LAMA5: variants seen among roughly 807,000 people sequenced by gnomAD.
LAMA5 encodes laminin subunit alpha 5, also known as laminin subunit alpha-5.
Under a neutral mutation model 433.4 loss-of-function variants are expected in LAMA5, and 260 were observed. That is an observed-to-expected ratio of 0.60 (90% CI 0.54 to 0.66). LAMA5 has a LOEUF of 0.66. Ranked by LOEUF, LAMA5 falls within the 30% of genes least tolerant of loss-of-function variation. The pLI is 0.00. For missense variants in LAMA5, 5,378 were observed against 5,258.5 expected (o/e 1.02, Z -0.70); for synonymous variants, 2,620 against 2,226.6 (o/e 1.18, Z -4.97).
intron 62 of LAMA5, among the ~76,000 whole-genome samples, 190 bp downstream of exon 62, chr20:62,314,114 G>C: frequency 7.4e-6 from 1 of 135,902 alleles, no homozygotes; most frequent in East Asian, 2.2e-4. Context: ...CGGGTGGCGA[G>C]TGGGCACAGA....
Position 62,331,028 on chromosome 20 carries a change from T to C in LAMA5, c.3650+4A>G. 1 of 1,594,890 alleles carries C rather than the reference T, an allele frequency of 6.3e-7. No homozygotes were observed. The highest frequency in any genetic ancestry group is 8.5e-7 in the Non-Finnish European group (1 of 1,172,134). On this transcript the variant is annotated splice_donor_region_variant and intron_variant, in intron 29 of 79. Transcript: ENST00000252999. ...CCCCTCCCAGCCCCATTACCTGCCA[T>C]TACCTGTTGGGGCCAAAGGCGCCGT...
chr20:62,334,392 C>A, intron 21 of LAMA5, 50 bp from the exon 22 acceptor site: 1 of 1,540,024 alleles, frequency 6.5e-7, no homozygotes, highest in Non-Finnish European at 8.8e-7. Flanking sequence ...CCTACCTAGC[C>A]CTGCACAGCG....
rs1346304258 is a variant in LAMA5, at chr20:62,324,435, A to T, written c.5643+6T>A. The T allele has an allele frequency of 1.9e-6, 3 of 1,604,758 alleles. No individual in the cohort carries two copies. Among genetic ancestry groups the T allele is most frequent in the Non-Finnish European group, 2.6e-6 (3 of 1,174,062 alleles). ...TGCCCCCCTGGCCCCACCAGCCCCT[A>T]CTCACCACACAGACGCCAGAGCCAG... On this transcript the variant is annotated splice_donor_region_variant and intron_variant, in intron 42 of 79. Coordinates refer to ENST00000252999, the MANE Select transcript of LAMA5 (RefSeq NM_005560.6). The surrounding 1 kb of genome is among the most constrained non-coding windows in gnomAD (Gnocchi z 4.4).
intron 6 of LAMA5, among the ~76,000 whole-genome samples, chr20:62,350,167 A>G (rs1351825805): frequency 6.6e-6 from 1 of 151,908 alleles, no homozygotes. Context: ...GGCCAAGGCA[A>G]GCCCCGGCTC....
intron 45 of LAMA5, 136 bp downstream of exon 45, chr20:62,323,320 C>G: frequency 1.3e-6 from 1 of 753,432 alleles, no homozygotes. Flanking sequence ...ACCATGAACC[C>G]AGAAGGCTGG....
At chr20:62,343,546 C>T (rs1265636139) in intron 11 of LAMA5, among the ~76,000 whole-genome samples, 3 of 152,112 alleles carry the variant, frequency 2.0e-5, no homozygotes, top group East Asian at 1.9e-4. Context: ...GAGGCTGAGG[C>T]GGGCAGATCC....
intron 20 of LAMA5, 103 bp from the exon 21 acceptor site, chr20:62,334,724 T>C (rs991338350): frequency 2.5e-6 from 2 of 784,678 alleles, no homozygotes; most frequent in Non-Finnish European, 3.6e-6. Flanking sequence ...CTCTGGATGA[T>C]GGAGAGTCAG....
At chr20:62,366,097 T>A (rs1031701210) in intron 1 of LAMA5, among the ~76,000 whole-genome samples, 1 of 152,196 alleles carries the variant, frequency 6.6e-6, no homozygotes, top group Non-Finnish European at 1.5e-5. Flanking sequence ...AGACTCTCCC[T>A]AAGGTGGGGC....
chr20:62,337,757 G>A, intron 15 of LAMA5, 30 bp from the exon 16 acceptor site: 1 of 1,608,272 alleles, frequency 6.2e-7, no homozygotes, highest in Non-Finnish European at 8.5e-7. Flanking sequence ...TGGGCACGCA[G>A]TGGAGACTGC....
intron 51 of LAMA5, 49 bp from the exon 52 acceptor site, chr20:62,319,062 C>A: frequency 6.9e-7 from 1 of 1,456,836 alleles, no homozygotes; most frequent in South Asian, 1.4e-5. Context: ...TACTAGTGCA[C>A]CTCTGCCTGC....
chr20:62,332,536 G>A (rs774817447), intron 27 of LAMA5, 21 bp downstream of exon 27: 1 of 1,602,284 alleles, frequency 6.2e-7, no homozygotes, highest in East Asian at 2.2e-5. Context: ...CCTTACTCCA[G>A]CCCCACCGGC....
chr20:62,345,735 T>C, intron 11 of LAMA5, 83 bp downstream of exon 11: 1 of 965,586 alleles, frequency 1.0e-6, no homozygotes, highest in South Asian at 1.5e-5. Context: ...ATGAAAATCC[T>C]CCCTTTCTCC....
At chr20:62,319,453 C>G (rs1275008764) in intron 51 of LAMA5, among the ~76,000 whole-genome samples, 2 of 152,152 alleles carry the variant, frequency 1.3e-5, no homozygotes, top group Non-Finnish European at 2.9e-5. Flanking sequence ...CGGCACATTT[C>G]CTGGGGAGGC....
At position 62,326,983 on chromosome 20, in the gene LAMA5, CAG is replaced by C. The variant is rs1267923482; in HGVS notation, c.5113-19_5113-18del. 10 of 1,558,282 alleles carry C rather than the reference CAG, an allele frequency of 6.4e-6. No homozygotes were observed. Among genetic ancestry groups the C allele is most frequent in the African/African-American group, 1.4e-5 (1 of 73,994 alleles). ...GGATGACACCTGGAGGCAGGACAGA[CAG>C]AGGTGACCTGGCCAGACTCTGGCCA... On this transcript the variant is annotated intron_variant, in intron 38 of 79. Coordinates refer to ENST00000252999, the MANE Select transcript of LAMA5 (RefSeq NM_005560.6).
intron 6 of LAMA5, 112 bp from the exon 7 acceptor site, chr20:62,347,140 G>T (rs1440154902): frequency 1.3e-6 from 1 of 748,186 alleles, no homozygotes; most frequent in African/African-American, 1.7e-5. Flanking sequence ...CTTGCCACAT[G>T]GACACGGCCC....
rs751758570 is a variant in LAMA5 at position 62,311,571 on chromosome 20, A to G, written c.9807-35T>C. On this transcript the variant is annotated intron_variant, in intron 71 of 79. Transcript: ENST00000252999. ...GCGGGCAGGCGGTCAGCAGCTGCGG[A>G]AGGCCAGCTGGGACCTTGTCCCCCA... 8.7e-6 allele frequency: 14 copies of G among 1,610,002 alleles called. No homozygotes were observed. In the East Asian group the frequency reaches 2.7e-4, roughly 31 times the overall value.
rs569350674 is a variant in LAMA5 at position 62,362,872 on chromosome 20, G to T, written c.298-320C>A. Among the ~76,000 whole-genome samples, 39 of 105,498 alleles carry T rather than the reference G, an allele frequency of 3.7e-4. No homozygotes were observed. In the South Asian group the frequency reaches 5.1e-3, roughly 14 times the overall value. The allele number at this position is 105,498 out of a possible 152,430, so 69.2% of individuals were successfully genotyped here. A position where few individuals can be genotyped will look rare whatever the true frequency, so the allele number is the denominator to read the frequency against. ...TGGCGTCTGAGCACTACGTGGTAAG[G>T]GGGGGGGTGTGCTCTAGGCAGAGGG... On this transcript the variant is annotated intron_variant, in intron 1 of 79. Coordinates refer to ENST00000252999, the MANE Select transcript of LAMA5 (RefSeq NM_005560.6).
chr20:62,349,216 A>C (rs1983814344), intron 6 of LAMA5, among the ~76,000 whole-genome samples: 1 of 136,588 alleles, frequency 7.3e-6, no homozygotes, highest in Non-Finnish European at 1.5e-5. Flanking sequence ...GCTTGCAGTG[A>C]GCCGAGATCG....
intron 55 of LAMA5, 48 bp from the exon 56 acceptor site, chr20:62,317,071 C>A: frequency 6.7e-7 from 1 of 1,487,412 alleles, no homozygotes. Flanking sequence ...CAGACGCCCT[C>A]GGCCTGGCTC....
Sources: allele counts gnomAD v4.1 joint callset (sites outside exome capture counted in the v4.1 genomes callset), GRCh38; gene constraint gnomAD v4.1.1; non-coding constraint Gnocchi (gnomAD v3.1); transcripts MANE v1.5; gene names NCBI Gene and HGNC (gene_info 2026-07-23, HGNC 2026-07-21).